MICU2: variants seen among roughly 807,000 people sequenced by gnomAD.
MICU2 encodes the protein mitochondrial calcium uptake 2, also known as calcium uptake protein 2, mitochondrial.
Under a neutral mutation model 60.4 loss-of-function variants are expected in MICU2, and 64 were observed. The observed-to-expected ratio is 1.06, with a 90% CI of 0.87 to 1.31. MICU2 has a LOEUF of 1.31. Ranked by LOEUF, MICU2 falls within the 50% of genes most tolerant of loss-of-function variation. The pLI is 0.00. For missense variants in MICU2, 569 were observed against 531.0 expected (o/e 1.07, Z -0.70); for synonymous variants, 201 against 175.0 (o/e 1.15, Z -1.17).
intron 2 of MICU2, among the ~76,000 whole-genome samples, chr13:21,549,877 T>C (rs888418105): frequency 1.3e-5 from 2 of 152,194 alleles, no homozygotes; most frequent in African/African-American, 2.4e-5. Flanking sequence ...CTGTGACCCA[T>C]TTTTGCTTAC....
intron 1 of MICU2, among the ~76,000 whole-genome samples, chr13:21,595,286 G>C (rs1376793211): frequency 6.6e-6 from 1 of 152,168 alleles, no homozygotes; most frequent in Non-Finnish European, 1.5e-5. Context: ...GGATAACTCT[G>C]TCCACAGAAG....
chr13:21,493,112 CAGAA>C lies in MICU2; in HGVS notation c.*133_*136del, dbSNP rs1885900783. The C allele has an allele frequency of 2.2e-6, 1 of 459,908 alleles. No homozygotes were observed. The highest frequency in any genetic ancestry group is 2.0e-5 in the African/African-American group (1 of 49,228). The allele number at this position is 459,908 out of a possible 1,614,324, so 28.5% of individuals were successfully genotyped here. ...TAAGTTCTTTAATAAAATTATGAAT[CAGAA>C]AGCAAGTACAAGACATGCTTATTTC... is the stretch of plus-strand genomic sequence containing the variant. On this transcript the variant is annotated 3_prime_UTR_variant, in exon 12 of 12. Transcript: ENST00000382374.
intron 1 of MICU2, among the ~76,000 whole-genome samples, chr13:21,581,740 T>C (rs1888352632): frequency 1.3e-5 from 2 of 152,194 alleles, no homozygotes; most frequent in South Asian, 2.1e-4. Flanking sequence ...AAGGTCTCTT[T>C]TAAAATTTAA....
chr13:21,566,740 G>A (rs1178539520), intron 2 of MICU2, 57 bp downstream of exon 2: 1 of 1,427,254 alleles, frequency 7.0e-7, no homozygotes, highest in African/African-American at 1.5e-5. Context: ...TGAAAAACAG[G>A]TTTTTCAGCC....
At chr13:21,495,781 A>G (rs1885980538) in intron 10 of MICU2, 3 of 281,462 alleles carry the variant, frequency 1.1e-5, no homozygotes, top group Non-Finnish European at 2.0e-5. Flanking sequence ...TGATCCGCCC[A>G]CCTTGGACTC....
intron 1 of MICU2, among the ~76,000 whole-genome samples, chr13:21,573,271 C>A (rs939139155): frequency 6.7e-6 from 1 of 150,288 alleles, no homozygotes; most frequent in East Asian, 2.0e-4. Flanking sequence ...TGTTAACATA[C>A]ATTTTTTTGT....
At chr13:21,601,004 G>C (rs1358072787) in intron 1 of MICU2, among the ~76,000 whole-genome samples, 1 of 152,104 alleles carries the variant, frequency 6.6e-6, no homozygotes, top group Non-Finnish European at 1.5e-5. Context: ...CACTGTGTTA[G>C]CCAGGATGGT....
At chr13:21,547,676 T>A (rs1277449387) in intron 2 of MICU2, among the ~76,000 whole-genome samples, 1 of 152,100 alleles carries the variant, frequency 6.6e-6, no homozygotes, top group Non-Finnish European at 1.5e-5. Context: ...TTGACTAACA[T>A]CTGTGCCAGG....
Position 21,510,055 on chromosome 13 carries a change from C to A in MICU2, c.710G>T (p.Arg237Leu), listed in dbSNP as rs561267095. ...TCTTTGTCCTCTTTTTCCAAAGAAA[C>A]GCATCTGAAGAGTTGTGTTAATTTC... Reference protein sequence around the residue: ...EPEINTTLQMRFFGKRGQRKL... With the variant: ...EPEINTTLQMLFFGKRGQRKL... The change falls in exon 8 of 12, where the codon CGT becomes CTT. Residue 237 changes from arginine to leucine, a missense_variant. Coordinates refer to ENST00000382374, the MANE Select transcript of MICU2 (RefSeq NM_152726.3). 3 of 1,541,008 alleles carry A rather than the reference C, an allele frequency of 1.9e-6. No individual in the cohort carries two copies. The highest frequency in any genetic ancestry group is 2.6e-6 in the Non-Finnish European group (3 of 1,150,112).
chr13:21,510,371 A>C (rs925400762), intron 7 of MICU2, among the ~76,000 whole-genome samples: 7 of 152,206 alleles, frequency 4.6e-5, no homozygotes, highest in African/African-American at 1.7e-4. Context: ...ATCAGGCCAA[A>C]AAGGAAGTTT....
At chr13:21,530,792 G>A (rs1886976534) in intron 4 of MICU2, 1 of 677,462 alleles carries the variant, frequency 1.5e-6, no homozygotes, top group East Asian at 3.2e-5. Context: ...GCAGCACCAG[G>A]AAGAGATGGC....
intron 1 of MICU2, among the ~76,000 whole-genome samples, chr13:21,596,166 T>C (rs1426346611): frequency 6.6e-6 from 1 of 152,180 alleles, no homozygotes; most frequent in East Asian, 1.9e-4. Context: ...TCAGTGCTAC[T>C]TCTGCTTAAA....
At chr13:21,593,951 C>T (rs929436480) in intron 1 of MICU2, among the ~76,000 whole-genome samples, 1 of 152,098 alleles carries the variant, frequency 6.6e-6, no homozygotes. Context: ...TAGGCAATAC[C>T]ATTCAGGACA....
rs548526268 is a variant in MICU2 at position 21,524,364 on chromosome 13, G to GA, written c.467-1715dup. Among the ~76,000 whole-genome samples the GA allele has an allele frequency of 2.3e-3, 350 of 151,672 alleles. 3 individuals carry two copies. The highest frequency in any genetic ancestry group is 7.7e-3 in the African/African-American group (319 of 41,334). ...TCCCTACCTCCCACTGGATTATTTT[G>GA]AAACAAAACCCACATATACATATCA... On this transcript the variant is annotated intron_variant, in intron 4 of 11. Coordinates refer to ENST00000382374, the MANE Select transcript of MICU2 (RefSeq NM_152726.3).
rs1256109160 is a variant in MICU2, at chr13:21,514,275, A to G, written c.663+78T>C. ...AATTGCTGATACCAAATCTATTGGT[A>G]ACTATCGGGAATATCTGAACAAACA... On this transcript the variant is annotated intron_variant, in intron 7 of 11. Coordinates refer to ENST00000382374, the MANE Select transcript of MICU2 (RefSeq NM_152726.3). 18 of 1,200,720 alleles carry G rather than the reference A, an allele frequency of 1.5e-5. No individual in the cohort carries two copies. In the Admixed American group the frequency reaches 3.4e-4, roughly 22 times the overall value. The allele number at this position is 1,200,720 out of a possible 1,614,324, so 74.4% of individuals were successfully genotyped here.
intron 2 of MICU2, among the ~76,000 whole-genome samples, chr13:21,558,890 G>A (rs568788385): frequency 1.3e-5 from 2 of 152,220 alleles, no homozygotes; most frequent in African/African-American, 4.8e-5. Flanking sequence ...CAAGTAGCTG[G>A]GGGCAAGATG....
chr13:21,508,917 G>A (rs994413277), intron 8 of MICU2, among the ~76,000 whole-genome samples: 2 of 152,172 alleles, frequency 1.3e-5, no homozygotes, highest in African/African-American at 4.8e-5. Flanking sequence ...ATTTATCTAA[G>A]AAAGCACTGA....
Position 21,496,097 on chromosome 13 carries a change from T to A in MICU2, c.997A>T (p.Ile333Phe), listed in dbSNP as rs147894086. 6.2e-7 allele frequency: 1 copy of A among 1,614,018 alleles called. No individual in the cohort carries two copies. The highest frequency in any genetic ancestry group is 8.5e-7 in the Non-Finnish European group (1 of 1,180,002). Residue 333 changes from isoleucine to phenylalanine, a missense_variant, in exon 10 of 12, where the codon ATT becomes TTT. Coordinates refer to ENST00000382374, the MANE Select transcript of MICU2 (RefSeq NM_152726.3). ...GCTAAACTGAACATCTGCATGGCAA[T>A]AGCAAAGTCTTCCAAGTGGGTTGTA... The part of the protein sequence containing the change: ...HFTTHLEDFA[I>F]AMQMFSLAHR...
chr13:21,517,479 T>A (rs899850325), intron 6 of MICU2, among the ~76,000 whole-genome samples: 2 of 152,166 alleles, frequency 1.3e-5, no homozygotes, highest in African/African-American at 4.8e-5. Flanking sequence ...ATCTCAAATA[T>A]AAGATGCTAC....
Sources: allele counts gnomAD v4.1 joint callset (sites outside exome capture counted in the v4.1 genomes callset), GRCh38; gene constraint gnomAD v4.1.1; transcripts MANE v1.5; gene names NCBI Gene and HGNC (gene_info 2026-07-23, HGNC 2026-07-21).